Variants in ENPP6 observed in about 807,000 individuals in gnomAD.
ENPP6 encodes the protein ectonucleotide pyrophosphatase/phosphodiesterase 6.
Under a neutral mutation model 42.0 loss-of-function variants are expected in ENPP6, and 32 were observed. That is an observed-to-expected ratio of 0.76 (90% CI 0.58 to 1.02). ENPP6 has a LOEUF of 1.02. ENPP6 is among the 50% of genes least tolerant of loss of function. The pLI is 0.00. For synonymous variants in ENPP6, 213 were observed against 216.0 expected (o/e 0.99, Z 0.12); for missense variants, 552 against 566.8 (o/e 0.97, Z 0.27).
chr4:184,142,886 C>T (rs1238994388), intron 2 of ENPP6, among the ~76,000 whole-genome samples: 1 of 152,192 alleles, frequency 6.6e-6, no homozygotes, highest in Non-Finnish European at 1.5e-5. Flanking sequence ...TCAGCGACTG[C>T]ACTTCTTCCG....
intron 2 of ENPP6, 142 bp downstream of exon 2, chr4:184,153,412 C>T (rs1737090844): frequency 9.3e-6 from 9 of 965,740 alleles, no homozygotes; most frequent in African/African-American, 1.7e-5. Flanking sequence ...GCCTGAGCCA[C>T]CGTGCCCAGC....
At chr4:184,208,559 T>C (rs1199699405) in intron 1 of ENPP6, among the ~76,000 whole-genome samples, 7 of 151,654 alleles carry the variant, frequency 4.6e-5, no homozygotes, top group Admixed American at 6.6e-5. Flanking sequence ...GACCACGAGA[T>C]TATAACCCGC....
At chr4:184,145,732 G>C (rs900364601) in intron 2 of ENPP6, among the ~76,000 whole-genome samples, 7 of 152,190 alleles carry the variant, frequency 4.6e-5, no homozygotes, top group African/African-American at 1.2e-4. Context: ...GCCATCTCCT[G>C]CCTCCCCAGC....
intron 1 of ENPP6, among the ~76,000 whole-genome samples, chr4:184,198,282 G>A (rs531828874): frequency 1.2e-4 from 19 of 152,228 alleles, no homozygotes; most frequent in Non-Finnish European, 2.5e-4. Flanking sequence ...TGTCTTCTCT[G>A]AGTAAGCACT....
At position 184,204,751 on chromosome 4, in the gene ENPP6, TGTAAGATTACTAGAC is replaced by T. The variant is rs1165304347; in HGVS notation, c.241+12813_241+12827del. Among the ~76,000 whole-genome samples the T allele has an allele frequency of 5.5e-4, 83 of 152,188 alleles. 6 individuals carry two copies. Among genetic ancestry groups the T allele is most frequent in the Non-Finnish European group, 4.4e-5 (3 of 68,030 alleles). ...AAACTGAAAGACACATTTTGAGATA[TGTAAGATTACTAGAC>T]GTAAAGGGTAATCAGTTCACTAAAT... On this transcript the variant is annotated intron_variant, in intron 1 of 7. Transcript: ENST00000296741.
chr4:184,151,213 C>G (rs998880352), intron 2 of ENPP6, among the ~76,000 whole-genome samples: 3 of 152,226 alleles, frequency 2.0e-5, no homozygotes, highest in African/African-American at 7.2e-5. Context: ...TGGTGCACGC[C>G]TGTAATCCCA....
intron 1 of ENPP6, among the ~76,000 whole-genome samples, chr4:184,186,155 T>C (rs1052103091): frequency 6.6e-6 from 1 of 152,244 alleles, no homozygotes; most frequent in Non-Finnish European, 1.5e-5. Context: ...ACTATTTCAA[T>C]GTTTTTGTAC....
rs1560987243 is a variant in ENPP6 at position 184,131,193 on chromosome 4, C to CTTT, written c.422-6924_422-6922dup. On this transcript the variant is annotated intron_variant, in intron 2 of 7. Transcript: ENST00000296741. ...TCTTTCTTTCTTTCTTTCTTTCTTT[C>CTTT]TTTCTTTCTTCTTTCTTTCTTTCTT... Among the ~76,000 whole-genome samples, 180 of 55,458 alleles carry CTTT rather than the reference C, an allele frequency of 3.2e-3. 8 individuals are homozygous for CTTT. Among genetic ancestry groups the CTTT allele is most frequent in the African/African-American group, 0.012 (156 of 13,240 alleles). The allele number at this position is 55,458 out of a possible 152,430, so 36.4% of individuals were successfully genotyped here.
chr4:184,194,221 A>T (rs1041730676), intron 1 of ENPP6, among the ~76,000 whole-genome samples: 3 of 152,194 alleles, frequency 2.0e-5, no homozygotes, highest in Non-Finnish European at 4.4e-5. Context: ...CAAGCGTCGC[A>T]GTGTGAGAAT....
chr4:184,143,234 C>A (rs1736852613), intron 2 of ENPP6, among the ~76,000 whole-genome samples: 1 of 152,234 alleles, frequency 6.6e-6, no homozygotes, highest in Non-Finnish European at 1.5e-5. Flanking sequence ...TTGCCCCTGT[C>A]TAGGAATTCC....
intron 1 of ENPP6, among the ~76,000 whole-genome samples, chr4:184,191,180 T>A (rs975347361): frequency 5.3e-5 from 8 of 152,226 alleles, no homozygotes; most frequent in African/African-American, 1.9e-4. Flanking sequence ...CAGCATGATG[T>A]TGTGGGGAGC....
intron 1 of ENPP6, among the ~76,000 whole-genome samples, chr4:184,183,529 A>T (rs1480020349): frequency 2.0e-5 from 3 of 152,166 alleles, no homozygotes; most frequent in Non-Finnish European, 4.4e-5. Context: ...ATTCACACAC[A>T]CACACAAGAG....
At chr4:184,215,062 TC>T (rs1220788553) in intron 1 of ENPP6, among the ~76,000 whole-genome samples, 3 of 152,196 alleles carry the variant, frequency 2.0e-5, no homozygotes, top group Non-Finnish European at 4.4e-5. Context: ...GCACCTGAAA[TC>T]CCGGCCTGAT....
chr4:184,210,795 C>T (rs1009233468), intron 1 of ENPP6, among the ~76,000 whole-genome samples: 1 of 152,094 alleles, frequency 6.6e-6, no homozygotes, highest in African/African-American at 2.4e-5. Context: ...TTTTTTTCAG[C>T]ACCACACAAC....
intron 6 of ENPP6, among the ~76,000 whole-genome samples, chr4:184,112,405 C>T (rs555695172): frequency 3.3e-5 from 5 of 152,264 alleles, no homozygotes; most frequent in South Asian, 2.1e-4. Flanking sequence ...CATTGTAAGC[C>T]GGGTAATCGA....
chr4:184,142,386 G>A (rs1736838409), intron 2 of ENPP6, among the ~76,000 whole-genome samples: 2 of 152,248 alleles, frequency 1.3e-5, no homozygotes, highest in Non-Finnish European at 2.9e-5. Context: ...CTAGAAGCAC[G>A]TAACCTTTTC....
chr4:184,207,594 G>A (rs183634669), intron 1 of ENPP6, among the ~76,000 whole-genome samples: 115 of 152,366 alleles, frequency 7.5e-4, no homozygotes, highest in East Asian at 3.9e-4. Flanking sequence ...CAGAGAGAGA[G>A]CTTATGCCTA....
rs557976881 is a variant in ENPP6 at position 184,143,911 on chromosome 4, C to T, written c.421+9643G>A. 4.6e-5 allele frequency among the ~76,000 whole-genome samples: 7 copies of T among 152,320 alleles called. No individual in the cohort carries two copies. In the South Asian group the frequency reaches 6.2e-4, roughly 14 times the overall value. ...ACAGGAGGGACAGGCAGGTAGGGGGCGCAGCTGTCTGCACACCAAGGGCTC... is the reference window on the plus strand; with the variant it reads ...ACAGGAGGGACAGGCAGGTAGGGGGTGCAGCTGTCTGCACACCAAGGGCTC... On this transcript the variant is annotated intron_variant, in intron 2 of 7. Transcript: ENST00000296741.
At chr4:184,189,535 G>A (rs1732686043) in intron 1 of ENPP6, among the ~76,000 whole-genome samples, 1 of 152,168 alleles carries the variant, frequency 6.6e-6, no homozygotes, top group Non-Finnish European at 1.5e-5. Context: ...GTTTGAGTCC[G>A]CAGCACTGGC....
Sources: gnomAD v4.1 joint callset for allele counts (sites outside exome capture counted in the v4.1 genomes callset) on GRCh38, gnomAD v4.1.1 for gene constraint, MANE v1.5 for transcripts, NCBI Gene and HGNC (gene_info 2026-07-23, HGNC 2026-07-21) for gene names.